The following DNAH10 variants were observed in gnomAD, a reference collection of about 807,000 sequenced individuals.
DNAH10 encodes dynein axonemal heavy chain 10.
Under a neutral mutation model 506.6 loss-of-function variants are expected in DNAH10, and 348 were observed. The observed-to-expected ratio is 0.69, with a 90% CI of 0.63 to 0.75. The LOEUF (loss-of-function observed/expected upper bound fraction) is 0.75. Ranked by LOEUF, DNAH10 falls within the 30% of genes least tolerant of loss-of-function variation. The pLI, the probability that DNAH10 is intolerant of heterozygous loss-of-function variation, is 0.00. For missense variants in DNAH10, 5,179 were observed against 5,787.1 expected (o/e 0.89, Z 3.41); for synonymous variants, 2,059 against 2,198.6 (o/e 0.94, Z 1.78).
chr12:123,897,866 T>C lies in DNAH10; in HGVS notation c.9377T>C (p.Leu3126Pro). 1 of 1,611,448 alleles carries C rather than the reference T, an allele frequency of 6.2e-7. No homozygotes were observed. Among genetic ancestry groups the C allele is most frequent in the Non-Finnish European group, 8.5e-7 (1 of 1,179,278 alleles). ...GTGGACCACTACAGCCAACAGTTTC[T>C]ACAGAAATTGAGGCGCAGCAACTAT... is the stretch of plus-strand genomic sequence containing the variant. ...QSVDHYSQQF[L>P]QKLRRSNYVT... The change falls in exon 55 of 79, where the codon CTA (leucine) becomes CCA (proline). Residue 3126 changes from leucine (L) to proline (P), a missense_variant. This residue lies in a region of DNAH10 where 4,844 missense variants were observed against 5,430.5 expected (regional missense o/e 0.89). Coordinates refer to ENST00000673944, the MANE Select transcript of DNAH10 (RefSeq NM_001372106.1).
chr12:123,832,029 A>G (rs1016187454), intron 26 of DNAH10, among the ~76,000 whole-genome samples: 5 of 152,206 alleles, frequency 3.3e-5, no homozygotes, highest in African/African-American at 1.2e-4. Flanking sequence ...TACATAGTAC[A>G]CCACACATGT....
Position 123,909,273 on chromosome 12 carries a change from G to A in DNAH10, c.9828G>A (p.Lys3276=). 6.2e-7 allele frequency: 1 copy of A among 1,613,138 alleles called. No homozygotes were observed. Among genetic ancestry groups the A allele is most frequent in the Non-Finnish European group, 8.5e-7 (1 of 1,179,672 alleles). The part of the protein sequence containing the change: ...SDVTEIRSFA[K]PPKQVQTVCE... ...GGTTTCTTGCCAGGTCGTTTGCTAA[G>A]CCCCCGAAGCAGGTGCAGACGGTCT... The change falls in exon 58 of 79, where the codon AAG becomes AAA. Residue 3276 remains lysine, a synonymous_variant. Coordinates refer to ENST00000673944, the MANE Select transcript of DNAH10 (RefSeq NM_001372106.1). This position sits in a 1 kb window ranked among gnomAD's most constrained non-coding sequence, Gnocchi z 5.4.
intron 18 of DNAH10, among the ~76,000 whole-genome samples, chr12:123,806,768 G>GT (rs759640354): frequency 0.027 from 3,720 of 135,822 alleles, 174 homozygotes; most frequent in African/African-American, 0.087. Flanking sequence ...AATATGCTAT[G>GT]TTTTTTTTTT....
intron 53 of DNAH10, among the ~76,000 whole-genome samples, chr12:123,893,966 A>G (rs1953105553): frequency 6.6e-6 from 1 of 151,760 alleles, no homozygotes; most frequent in Non-Finnish European, 1.5e-5. Flanking sequence ...GCCAAGGGTG[A>G]GAAACTCTGC....
At position 123,783,115 on chromosome 12, in the gene DNAH10, A is replaced by G. The variant is rs771462018; in HGVS notation, c.850A>G (p.Lys284Glu). ...CACTTTTATTTTCCTAGGTGAGATC[A>G]AGTTAGAAATGCCAATCATCAGTGT... ...RTMQQLEGEI[K>E]LEMPIISVEG... Residue 284 changes from lysine to glutamate, a missense_variant, in exon 7 of 79, where the codon AAG becomes GAG. Transcript: ENST00000673944. The G allele has an allele frequency of 2.5e-6, 4 of 1,614,128 alleles. No individual in the cohort carries two copies. The South Asian group carries it at 4.4e-5, about 18-fold the overall frequency.
In DNAH10 at chr12:123,819,288, G is replaced by A. The variant is rs756517271; in HGVS notation, c.4000+38G>A. 2.4e-5 allele frequency: 36 copies of A among 1,496,480 alleles called. No homozygotes were observed. In the South Asian group the frequency reaches 3.7e-4, roughly 15 times the overall value. The allele number at this position is 1,496,480 out of a possible 1,614,324, so 92.7% of individuals were successfully genotyped here. ...CTGTTGGTCTTACTGAGCGATCTGA[G>A]TAGCAAATGTTTGAGTATGTTTTGC... On this transcript the variant is annotated intron_variant, in intron 23 of 78. Coordinates refer to ENST00000673944, the MANE Select transcript of DNAH10 (RefSeq NM_001372106.1).
Position 123,926,805 on chromosome 12 carries a change from T to C in DNAH10, c.12090T>C (p.Gly4030=). 1 of 1,613,834 alleles carries C rather than the reference T, an allele frequency of 6.2e-7. No individual in the cohort carries two copies. Among genetic ancestry groups the C allele is most frequent in the African/African-American group, 1.3e-5 (1 of 74,990 alleles). Residue 4030 remains glycine, a synonymous_variant, in exon 69 of 79, where the codon GGT becomes GGC. Transcript: ENST00000673944. This position sits in a 1 kb window ranked among gnomAD's most constrained non-coding sequence, Gnocchi z 4.1. The part of the protein sequence containing the change: ...GGNRLKFLAM[G]QGQEKVALQL... ...ATCGCCTCAAATTCCTTGCAATGGG[T>C]CAAGGTCAAGAAAAGGTAATTTGTG...
At chr12:123,869,752 C>T (rs1951953886) in intron 43 of DNAH10, among the ~76,000 whole-genome samples, 2 of 152,204 alleles carry the variant, frequency 1.3e-5, no homozygotes, top group Admixed American at 1.3e-4. Context: ...TTATCTCTCT[C>T]TCTCATGTTC....
rs780410358 is a variant in DNAH10 at position 123,914,901 on chromosome 12, A to G, written c.10624A>G (p.Ile3542Val). Reference protein sequence around the residue: ...PPDELSVQNGILTTRASRFPL... With the variant: ...PPDELSVQNGVLTTRASRFPL... ...CGATGAGCTCTCCGTTCAGAATGGC[A>G]TCCTCACCACCCGGGCCAGCCGCTT... The change falls in exon 62 of 79, where the codon ATC (isoleucine) becomes GTC (valine). Residue 3542 changes from isoleucine (I) to valine (V), a missense_variant. Physicochemically the swap from Ile to Val is conservative, Grantham distance 29. This residue lies in a region of DNAH10 where 4,844 missense variants were observed against 5,430.5 expected (regional missense o/e 0.89). Transcript: ENST00000673944. The G allele has an allele frequency of 3.7e-6, 6 of 1,613,406 alleles. No homozygotes were observed. Among genetic ancestry groups the G allele is most frequent in the Non-Finnish European group, 5.1e-6 (6 of 1,179,798 alleles).
chr12:123,858,984 T>A (rs1425373103), intron 37 of DNAH10, among the ~76,000 whole-genome samples, 166 bp from the exon 38 acceptor site: 1 of 152,092 alleles, frequency 6.6e-6, no homozygotes, highest in Admixed American at 6.5e-5. Context: ...ATAAAAATGT[T>A]CTAAAATTGC....
rs200768378 is a variant in DNAH10 at position 123,848,023 on chromosome 12, C to T, written c.5877C>T (p.Thr1959=). 167 of 1,613,920 alleles carry T rather than the reference C, an allele frequency of 1.0e-4. 1 individual carries two copies. The highest frequency in any genetic ancestry group is 3.2e-4 in the Admixed American group (19 of 60,012). ...AGPAGTGKTE[T]TKDLAKALGL... The stretch of plus-strand genomic sequence containing the variant: ...CAGCAGGAACCGGCAAAACCGAGAC[C>T]ACCAAGGACCTGGCGAAAGCCTTGG... The change falls in exon 33 of 79, where the codon ACC becomes ACT. Residue 1959 remains threonine (T), a synonymous_variant. Transcript: ENST00000673944.
In DNAH10 at chr12:123,924,904, G is replaced by A. The variant is rs1047462319; in HGVS notation, c.11767-146G>A. The A allele has an allele frequency of 1.9e-5, 20 of 1,045,140 alleles. No homozygotes were observed. In the Admixed American group the frequency reaches 5.1e-4, roughly 27 times the overall value. 64.7% of individuals were successfully genotyped at this position (1,045,140 alleles called of 1,614,324 possible). A position where few individuals can be genotyped will look rare whatever the true frequency, so the allele number is the denominator to read the frequency against. On this transcript the variant is annotated intron_variant, in intron 67 of 78. Coordinates refer to ENST00000673944, the MANE Select transcript of DNAH10 (RefSeq NM_001372106.1). ...CAATGTCATAGCCTTTGGGGGTAGA[G>A]AATGACAGATCTGACCAGGTGGCCT...
chr12:123,783,112 A>G lies in DNAH10; in HGVS notation c.847A>G (p.Ile283Val), dbSNP rs1031204180. 4 of 1,613,988 alleles carry G rather than the reference A, an allele frequency of 2.5e-6. No homozygotes were observed. Among genetic ancestry groups the G allele is most frequent in the Non-Finnish European group, 3.4e-6 (4 of 1,179,980 alleles). The change falls in exon 7 of 79, where the codon ATC becomes GTC. Residue 283 changes from isoleucine (I) to valine (V), a missense_variant. Physicochemically the swap from Ile to Val is conservative, Grantham distance 29. This residue lies in a region of DNAH10 where 4,844 missense variants were observed against 5,430.5 expected (regional missense o/e 0.89). Transcript: ENST00000673944. ...GATCACTTTTATTTTCCTAGGTGAG[A>G]TCAAGTTAGAAATGCCAATCATCAG... Reference protein sequence around the residue: ...QRTMQQLEGEIKLEMPIISVE... With the variant: ...QRTMQQLEGEVKLEMPIISVE...
chr12:123,863,508 G>T (rs1951686862), intron 39 of DNAH10, among the ~76,000 whole-genome samples: 1 of 152,204 alleles, frequency 6.6e-6, no homozygotes, highest in African/African-American at 2.4e-5. Context: ...GAGCAGGACT[G>T]CACTCCCTCC....
At position 123,919,505 on chromosome 12, in the gene DNAH10, C is replaced by T. The variant is rs1025913236; in HGVS notation, c.11506+556C>T. ...ATTCGTCCTTTAAAAATATACCATT[C>T]GGTGGTGATTCATAGCATATACATA... On this transcript the variant is annotated intron_variant, in intron 65 of 78. Transcript: ENST00000673944. This position sits in a 1 kb window ranked among gnomAD's most constrained non-coding sequence, Gnocchi z 4.9. 6.6e-6 allele frequency among the ~76,000 whole-genome samples: 1 copy of T among 152,162 alleles called. No homozygotes were observed. Among genetic ancestry groups the T allele is most frequent in the Non-Finnish European group, 1.5e-5 (1 of 68,030 alleles).
chr12:123,871,859 G>A (rs1345026066), intron 45 of DNAH10, among the ~76,000 whole-genome samples: 2 of 152,222 alleles, frequency 1.3e-5, no homozygotes, highest in Admixed American at 6.5e-5. Context: ...GGAGGCTGGA[G>A]GCCTCAGTTC....
In DNAH10 at chr12:123,850,306, G is replaced by T. The variant is rs1190935051; in HGVS notation, c.6103-582G>T. 6.6e-6 allele frequency among the ~76,000 whole-genome samples: 1 copy of T among 152,046 alleles called. No homozygotes were observed. The highest frequency in any genetic ancestry group is 2.4e-5 in the African/African-American group (1 of 41,390). ...GGCTAAGAATATAGGGATTTCCGTGGTTTGTTGGTACCTGGGGCAACCAGA... is the reference window on the plus strand; with the variant it reads ...GGCTAAGAATATAGGGATTTCCGTGTTTTGTTGGTACCTGGGGCAACCAGA... On this transcript the variant is annotated intron_variant, in intron 34 of 78. Transcript: ENST00000673944. The surrounding 1 kb of genome is among the most constrained non-coding windows in gnomAD (Gnocchi z 5.5).
At chr12:123,803,639 T>G (rs1202361941) in intron 16 of DNAH10, 22 bp from the exon 17 acceptor site, 1 of 1,496,412 alleles carries the variant, frequency 6.7e-7, no homozygotes, top group Non-Finnish European at 8.9e-7. Flanking sequence ...CCAAATGTCT[T>G]TCTTTCTTTC....
chr12:123,816,411 A>C (rs1959144854), intron 21 of DNAH10, among the ~76,000 whole-genome samples: 1 of 152,198 alleles, frequency 6.6e-6, no homozygotes. Flanking sequence ...TGTATAATGA[A>C]ACCTCCATGA....
Sources: gnomAD v4.1 joint callset for allele counts (sites outside exome capture counted in the v4.1 genomes callset) on GRCh38, gnomAD v4.1.1 for gene constraint, gnomAD v4.1.1 regional missense constraint, Gnocchi (gnomAD v3.1) non-coding constraint, MANE v1.5 for transcripts, NCBI Gene and HGNC (gene_info 2026-07-23, HGNC 2026-07-21) for gene names.